The following RCN1 variants were observed in gnomAD, a reference collection of about 807,000 sequenced individuals.
The protein encoded by RCN1 is reticulocalbin-1.
A neutral mutation model predicts 34.7 loss-of-function variants in RCN1; 14 were observed. The observed-to-expected ratio is 0.40, with a 90% confidence interval of 0.27 to 0.63. The LOEUF (loss-of-function observed/expected upper bound fraction) is 0.63, where lower values mean the gene tolerates loss of function less well. Ranked by LOEUF, RCN1 falls within the 30% of genes least tolerant of loss-of-function variation. The probability of loss-of-function intolerance (pLI) is 0.37; values close to 1 mark genes in which losing one functional copy is unlikely to be tolerated. For synonymous variants in RCN1, 125 were observed against 165.5 expected (o/e 0.76, Z 1.88); for missense variants, 326 against 425.1 (o/e 0.77, Z 2.05).
At chr11:32,095,567 C>G (rs1252016013) in intron 1 of RCN1, among the ~76,000 whole-genome samples, 1 of 152,172 alleles carries the variant, frequency 6.6e-6, no homozygotes, top group African/African-American at 2.4e-5. Context: ...GCCACCACAC[C>G]TGGCTAATTT....
chr11:32,095,082 G>A (rs1015495689), intron 1 of RCN1, among the ~76,000 whole-genome samples: 5 of 152,110 alleles, frequency 3.3e-5, no homozygotes, highest in South Asian at 4.1e-4. Flanking sequence ...CCCAGTTGGC[G>A]TTGGGTAACC....
chr11:32,098,333 A>G lies in RCN1; in HGVS notation c.449-17A>G, dbSNP rs756740384. The stretch of plus-strand genomic sequence containing the variant: ...CCGCACGGTTTAAAAACATTTCTGC[A>G]TACATACATCCTGCAGGAAACCCCG... On this transcript the variant is annotated splice_polypyrimidine_tract_variant and intron_variant, in intron 2 of 5. Transcript: ENST00000054950. The G allele has an allele frequency of 1.9e-6, 3 of 1,597,916 alleles. No individual in the cohort carries two copies. The highest frequency in any genetic ancestry group is 3.5e-5 in the Admixed American group (2 of 56,690).
At chr11:32,098,891 AAG>A (rs1159821477) in intron 3 of RCN1, among the ~76,000 whole-genome samples, 2 of 152,140 alleles carry the variant, frequency 1.3e-5, no homozygotes, top group African/African-American at 4.8e-5. Context: ...GACAAAGGAA[AAG>A]AGAGGGAATG....
intron 5 of RCN1, 127 bp downstream of exon 5, chr11:32,103,607 C>T: frequency 1.2e-6 from 1 of 804,140 alleles, no homozygotes. Flanking sequence ...CCTTCTTGTC[C>T]TACAGTGGAG....
At chr11:32,094,644 T>C (rs1389374809) in intron 1 of RCN1, among the ~76,000 whole-genome samples, 2 of 152,260 alleles carry the variant, frequency 1.3e-5, no homozygotes, top group African/African-American at 4.8e-5. Flanking sequence ...GGCTACTGTG[T>C]AGCAGCTACC....
Position 32,100,428 on chromosome 11 carries a change from G to C in RCN1, c.628-120G>C, listed in dbSNP as rs565454958. 5 of 771,218 alleles carry C rather than the reference G, an allele frequency of 6.5e-6. No homozygotes were observed. In the South Asian group the frequency reaches 6.6e-5, roughly 10 times the overall value. The allele number at this position is 771,218 out of a possible 1,614,324, so 47.8% of individuals were successfully genotyped here. On this transcript the variant is annotated intron_variant, in intron 3 of 5. Transcript: ENST00000054950. The stretch of plus-strand genomic sequence containing the variant: ...AAACTAGTTCCCAGGGAAGTAAGGC[G>C]ATGAGCCAGAAGTCACCAAGCATTC...
At chr11:32,095,688 G>C (rs745512809) in intron 1 of RCN1, among the ~76,000 whole-genome samples, 1 of 152,088 alleles carries the variant, frequency 6.6e-6, no homozygotes, top group Non-Finnish European at 1.5e-5. Flanking sequence ...GACCACAGGC[G>C]TGAGCCACCA....
intron 1 of RCN1, 32 bp downstream of exon 1, chr11:32,091,482 G>A (rs1420988374): frequency 2.0e-6 from 3 of 1,532,644 alleles, no homozygotes; most frequent in Admixed American, 4.2e-5. Flanking sequence ...CGTGGGGGGC[G>A]GCGCAGGTGT....
At chr11:32,104,305 A>G in intron 5 of RCN1, 60 bp from the exon 6 acceptor site, 1 of 970,354 alleles carries the variant, frequency 1.0e-6, no homozygotes, top group Non-Finnish European at 1.7e-6. Context: ...CATGAACATC[A>G]TACAGAACTA....
At position 32,091,195 on chromosome 11, in the gene RCN1, C is replaced by G. The variant is rs1241273760; in HGVS notation, c.-2C>G. The G allele has an allele frequency of 4.5e-5, 64 of 1,431,796 alleles. No homozygotes were observed. Among genetic ancestry groups the G allele is most frequent in the Non-Finnish European group, 5.5e-5 (61 of 1,100,460 alleles). The allele number at this position is 1,431,796 out of a possible 1,614,324, so 88.7% of individuals were successfully genotyped here. ...CCTCTCGGCCGCCCTCTCCTCGGGA[C>G]GATGGCGCGCGGTGGCCGCGGCCGC... On this transcript the variant is annotated 5_prime_UTR_variant, in exon 1 of 6. Coordinates refer to ENST00000054950, the MANE Select transcript of RCN1 (RefSeq NM_002901.4).
chr11:32,100,632 C>T, intron 4 of RCN1, 24 bp downstream of exon 4: 2 of 1,601,146 alleles, frequency 1.2e-6, no homozygotes, highest in Non-Finnish European at 1.7e-6. Flanking sequence ...TAGAGTCTTG[C>T]TCAGCTGTCC....
rs936118897 is a variant in RCN1 at position 32,103,090 on chromosome 11, C to G, written c.689-191C>G. ...TCTAAACTCAGTTCTTTCTACTCCA[C>G]CACATGGCCTTCATCATGAATAAAT... On this transcript the variant is annotated intron_variant, in intron 4 of 5. Transcript: ENST00000054950. The G allele has an allele frequency of 3.3e-5, 22 of 670,208 alleles. No individual in the cohort carries two copies. In the Admixed American group the frequency reaches 4.9e-4, roughly 15 times the overall value. 41.5% of individuals were successfully genotyped at this position (670,208 alleles called of 1,614,324 possible).
intron 1 of RCN1, 148 bp from the exon 2 acceptor site, chr11:32,096,995 CT>C: frequency 1.6e-6 from 1 of 620,844 alleles, no homozygotes; most frequent in Non-Finnish European, 2.6e-6. Flanking sequence ...TTCCAGCCTC[CT>C]TGGATCATTG....
At chr11:32,104,240 G>A (rs2133479079) in intron 5 of RCN1, 125 bp from the exon 6 acceptor site, 1 of 613,832 alleles carries the variant, frequency 1.6e-6, no homozygotes, top group Admixed American at 2.8e-5. Context: ...GAGGTGCCCA[G>A]TAGCTTCTGG....
Position 32,097,189 on chromosome 11 carries a change from T to C in RCN1, c.300T>C (p.Thr100=), listed in dbSNP as rs1221215509. ...ACAATGATGGGGATGGCTTTGTCAC[T>C]ACTGAGGAGCTGAAAACCTGGATCA... ...RIDNDGDGFV[T]TEELKTWIKR... Residue 100 remains threonine, a synonymous_variant, in exon 2 of 6, where the codon ACT becomes ACC. Transcript: ENST00000054950. The C allele has an allele frequency of 6.9e-6, 11 of 1,594,704 alleles. No homozygotes were observed. Among genetic ancestry groups the C allele is most frequent in the Non-Finnish European group, 9.4e-6 (11 of 1,173,822 alleles).
chr11:32,091,742 C>G (rs1009863842), intron 1 of RCN1: 3 of 445,544 alleles, frequency 6.7e-6, no homozygotes, highest in African/African-American at 2.1e-5. Context: ...CCCCCTCCCC[C>G]AGGTTGCATC....
At chr11:32,094,823 C>T (rs1299119744) in intron 1 of RCN1, among the ~76,000 whole-genome samples, 3 of 152,168 alleles carry the variant, frequency 2.0e-5, no homozygotes, top group Middle Eastern at 3.2e-3. Flanking sequence ...AGAGGCAGGA[C>T]GGGGATCCAG....
chr11:32,097,469 T>C (rs1851986487), intron 2 of RCN1, 132 bp downstream of exon 2: 1 of 532,476 alleles, frequency 1.9e-6, no homozygotes, highest in Admixed American at 3.8e-5. Flanking sequence ...CCTGCTTGTA[T>C]AACACCCTCC....
intron 1 of RCN1, chr11:32,096,634 C>T (rs924855562): frequency 6.6e-6 from 1 of 152,200 alleles, no homozygotes; most frequent in African/African-American, 2.4e-5. Context: ...TTTTGATTTA[C>T]ATACAGTTTC....
Sources: gnomAD v4.1 joint callset for allele counts (sites outside exome capture counted in the v4.1 genomes callset) on GRCh38, gnomAD v4.1.1 for gene constraint, MANE v1.5 for transcripts, NCBI Gene and HGNC (gene_info 2026-07-23, HGNC 2026-07-21) for gene names.